CPNE4: variants seen among roughly 807,000 people sequenced by gnomAD.
CPNE4 encodes the protein copine 4.
Under a neutral mutation model 67.9 loss-of-function variants are expected in CPNE4, and 25 were observed. The ratio of observed to expected loss-of-function variants is 0.37; its 90% CI spans 0.27 to 0.51. CPNE4 has a LOEUF of 0.51. Among genes scored for constraint, CPNE4 ranks in the 20% least tolerant of loss-of-function variants. The pLI, the probability that CPNE4 is intolerant of heterozygous loss-of-function variation, is 0.93. For missense variants in CPNE4, 464 were observed against 690.8 expected (o/e 0.67, Z 3.68); for synonymous variants, 242 against 244.9 (o/e 0.99, Z 0.11).
chr3:131,544,695 T>C (rs1220113640), intron 14 of CPNE4, among the ~76,000 whole-genome samples: 1 of 152,004 alleles, frequency 6.6e-6, no homozygotes, highest in Non-Finnish European at 1.5e-5. Context: ...ATGTTGGTGG[T>C]TTGGGGATGG....
At chr3:131,676,991 C>T (rs1354436702) in intron 6 of CPNE4, among the ~76,000 whole-genome samples, 1 of 151,928 alleles carries the variant, frequency 6.6e-6, no homozygotes, top group Non-Finnish European at 1.5e-5. Context: ...ATTTACACTC[C>T]CACCAACAGT....
intron 7 of CPNE4, among the ~76,000 whole-genome samples, chr3:131,660,641 G>C (rs182696050): frequency 6.6e-6 from 1 of 152,250 alleles, no homozygotes; most frequent in Admixed American, 6.5e-5. Flanking sequence ...ATAAAGACTT[G>C]ATCCTTCCAA....
chr3:131,599,493 GC>G (rs1284631530), intron 7 of CPNE4, among the ~76,000 whole-genome samples: 1 of 152,204 alleles, frequency 6.6e-6, no homozygotes, highest in East Asian at 1.9e-4. Flanking sequence ...AGTGCAGAAT[GC>G]CAAATAGAAT....
chr3:131,740,504 C>G (rs1261927085), intron 2 of CPNE4, among the ~76,000 whole-genome samples: 1 of 152,172 alleles, frequency 6.6e-6, no homozygotes, highest in Non-Finnish European at 1.5e-5. Flanking sequence ...CCTTTCCTCA[C>G]ATTTCCATAT....
intron 2 of CPNE4, among the ~76,000 whole-genome samples, chr3:131,753,743 G>T (rs148165345): frequency 0.013 from 1,979 of 152,170 alleles, 32 homozygotes; most frequent in Non-Finnish European, 0.017. Context: ...ACTTCCATCA[G>T]ACTGGTTAAA....
chr3:132,024,725 CAATA>C (rs1040346331), intron 1 of CPNE4, among the ~76,000 whole-genome samples: 46 of 152,252 alleles, frequency 3.0e-4, no homozygotes, highest in African/African-American at 1.0e-3. Context: ...GATAGGGTCT[CAATA>C]AATAATCATA....
intron 1 of CPNE4, among the ~76,000 whole-genome samples, chr3:131,915,079 G>A (rs1055755742): frequency 6.6e-6 from 1 of 152,164 alleles, no homozygotes; most frequent in African/African-American, 2.4e-5. Flanking sequence ...AACTTCTTGA[G>A]ATCAGTATTG....
At chr3:132,032,414 A>G (rs1560818995) in intron 1 of CPNE4, among the ~76,000 whole-genome samples, 2 of 152,212 alleles carry the variant, frequency 1.3e-5, no homozygotes, top group East Asian at 1.9e-4. Context: ...TTCTCACACA[A>G]TCATACAAAA....
intron 1 of CPNE4, among the ~76,000 whole-genome samples, chr3:131,969,586 CACTG>C (rs2072449300): frequency 6.6e-6 from 1 of 152,052 alleles, no homozygotes; most frequent in African/African-American, 2.4e-5. Flanking sequence ...TCTTTCTTCT[CACTG>C]ACTAAGAACA....
At chr3:131,829,866 C>T (rs2085302739) in intron 2 of CPNE4, among the ~76,000 whole-genome samples, 1 of 152,154 alleles carries the variant, frequency 6.6e-6, no homozygotes, top group East Asian at 1.9e-4. Context: ...AGTTGCATTT[C>T]AATTAAGTCA....
intron 2 of CPNE4, among the ~76,000 whole-genome samples, chr3:131,730,783 T>C (rs1159606329): frequency 6.6e-6 from 1 of 152,128 alleles, no homozygotes; most frequent in African/African-American, 2.4e-5. Context: ...AGAGGAGCAT[T>C]AAGCAATTTC....
intron 3 of CPNE4, among the ~76,000 whole-genome samples, chr3:131,708,654 C>T (rs2081474025): frequency 6.6e-6 from 1 of 152,018 alleles, no homozygotes; most frequent in South Asian, 2.1e-4. Context: ...GACACACTCT[C>T]CTCTGTGTCT....
At chr3:131,919,758 G>A (rs2070690533) in intron 1 of CPNE4, among the ~76,000 whole-genome samples, 1 of 152,120 alleles carries the variant, frequency 6.6e-6, no homozygotes, top group Non-Finnish European at 1.5e-5. Flanking sequence ...TCATGAAGAG[G>A]TAAAATTCTC....
At chr3:131,818,110 G>A (rs982874371) in intron 2 of CPNE4, among the ~76,000 whole-genome samples, 2 of 152,200 alleles carry the variant, frequency 1.3e-5, no homozygotes, top group African/African-American at 2.4e-5. Flanking sequence ...CAATCAACAG[G>A]TGTAAATTTT....
At chr3:131,696,271 G>T (rs958781730) in intron 5 of CPNE4, among the ~76,000 whole-genome samples, 14 of 152,054 alleles carry the variant, frequency 9.2e-5, no homozygotes, top group Non-Finnish European at 4.4e-5. Context: ...TAGAAATGGG[G>T]TTAAATCATA....
chr3:131,804,404 T>G (rs544308054), intron 2 of CPNE4, among the ~76,000 whole-genome samples: 14 of 152,170 alleles, frequency 9.2e-5, no homozygotes, highest in Admixed American at 3.3e-4. Context: ...TAGTTATATC[T>G]TCCCGAGGTA....
intron 7 of CPNE4, among the ~76,000 whole-genome samples, chr3:131,610,475 A>AC (rs1939772201): frequency 6.6e-6 from 1 of 152,226 alleles, no homozygotes; most frequent in African/African-American, 2.4e-5. Context: ...AGACTGCTAG[A>AC]TTGTTCTCCT....
chr3:131,859,717 C>T (rs1513378), intron 2 of CPNE4, among the ~76,000 whole-genome samples: 60,235 of 151,964 alleles, frequency 0.4, 12,222 homozygotes, highest in Admixed American at 0.47. Context: ...TTGCCAACCA[C>T]TGAATTACAT....
intron 1 of CPNE4, among the ~76,000 whole-genome samples, chr3:132,014,673 G>A (rs904249566): frequency 2.6e-5 from 4 of 152,040 alleles, no homozygotes; most frequent in Non-Finnish European, 4.4e-5. Flanking sequence ...AGTTTTAATT[G>A]CATTCCATGG....
Sources: gnomAD v4.1 joint callset for allele counts (sites outside exome capture counted in the v4.1 genomes callset) on GRCh38, gnomAD v4.1.1 for gene constraint, MANE v1.5 for transcripts, NCBI Gene and HGNC (gene_info 2026-07-23, HGNC 2026-07-21) for gene names.